FRY: variants seen among roughly 807,000 people sequenced by gnomAD.
FRY encodes the protein protein furry homolog.
A neutral mutation model predicts 348.4 loss-of-function variants in FRY; 128 were observed. That is an observed-to-expected ratio of 0.37 (90% CI 0.32 to 0.43). FRY has a LOEUF of 0.43. FRY is among the 20% of genes least tolerant of loss of function. The pLI is 1.00. For synonymous variants in FRY, 1,370 were observed against 1,374.7 expected (o/e 1.00, Z 0.08); for missense variants, 2,736 against 3,695.2 (o/e 0.74, Z 6.73).
At chr13:32,049,548 C>T (rs948918576) in intron 1 of FRY, among the ~76,000 whole-genome samples, 1 of 152,178 alleles carries the variant, frequency 6.6e-6, no homozygotes, top group African/African-American at 2.4e-5. Context: ...CATTCTCCTG[C>T]CTCAGCCTCC....
chr13:32,097,593 T>TTTCTATCA (rs1566069084), intron 2 of FRY, among the ~76,000 whole-genome samples: 1 of 151,952 alleles, frequency 6.6e-6, no homozygotes, highest in Non-Finnish European at 1.5e-5. Flanking sequence ...ATTCCCAACA[T>TTTCTATCA]CAGGTGATCT....
intron 3 of FRY, among the ~76,000 whole-genome samples, chr13:32,113,585 C>G (rs1878109790): frequency 6.6e-6 from 1 of 152,170 alleles, no homozygotes. Context: ...TTCATGCTGC[C>G]CAGTACCTAG....
At chr13:32,109,561 C>T (rs894171893) in intron 3 of FRY, among the ~76,000 whole-genome samples, 1 of 152,058 alleles carries the variant, frequency 6.6e-6, no homozygotes, top group African/African-American at 2.4e-5. Context: ...AGGGGTCTCA[C>T]AGACAAAGGA....
chr13:32,139,096 A>G (rs1351924981), intron 11 of FRY, among the ~76,000 whole-genome samples: 1 of 152,240 alleles, frequency 6.6e-6, no homozygotes, highest in Non-Finnish European at 1.5e-5. Flanking sequence ...ATTGTATTGC[A>G]TATATTTAGA....
intron 2 of FRY, among the ~76,000 whole-genome samples, chr13:32,090,320 C>A (rs537817933): frequency 7.6e-6 from 1 of 130,766 alleles, no homozygotes; most frequent in East Asian, 2.3e-4. Flanking sequence ...TGCACTCTAG[C>A]AGCCTGGGCG....
rs368326037 is a variant in FRY, at chr13:32,089,276, CTT to C, written c.270+10246_270+10247del. 4.9e-3 allele frequency among the ~76,000 whole-genome samples: 741 copies of C among 152,160 alleles called. 8 individuals are homozygous for C. Among genetic ancestry groups the C allele is most frequent in the African/African-American group, 0.017 (710 of 41,480 alleles). Reference sequence around the variant, plus strand: ...TACATACATATCTAGTATATTCTGACTTTTAAAATTTCTTAAAACACAATATT... The same window carrying C: ...TACATACATATCTAGTATATTCTGACTTAAAATTTCTTAAAACACAATATT... On this transcript the variant is annotated intron_variant, in intron 2 of 60. Coordinates refer to ENST00000542859, the MANE Select transcript of FRY (RefSeq NM_023037.3).
intron 48 of FRY, 37 bp from the exon 49 acceptor site, chr13:32,249,489 T>C (rs772615595): frequency 1.2e-5 from 19 of 1,611,488 alleles, no homozygotes; most frequent in Admixed American, 1.7e-5. Context: ...CACAAAACCA[T>C]TGAGACAGAA....
intron 11 of FRY, among the ~76,000 whole-genome samples, chr13:32,139,070 A>C (rs930315301): frequency 2.0e-5 from 3 of 152,240 alleles, no homozygotes; most frequent in African/African-American, 7.2e-5. Flanking sequence ...CCTTGATAAG[A>C]TAAAAATGAA....
Position 32,125,105 on chromosome 13 carries a change from G to C in FRY, c.716+230G>C, listed in dbSNP as rs1878940920. On this transcript the variant is annotated intron_variant, in intron 7 of 60. Transcript: ENST00000542859. Reference sequence around the variant, plus strand: ...ACCTAGAGTCCATGGGTTTCATACTGTTGCATCAAAGAAATGGGGTGACCA... The same window carrying C: ...ACCTAGAGTCCATGGGTTTCATACTCTTGCATCAAAGAAATGGGGTGACCA... 2.0e-5 allele frequency among the ~76,000 whole-genome samples: 3 copies of C among 152,338 alleles called. No homozygotes were observed. The South Asian group carries it at 6.2e-4, about 32-fold the overall frequency.
At chr13:32,235,148 T>C (rs1414274237) in intron 42 of FRY, among the ~76,000 whole-genome samples, 3 of 152,154 alleles carry the variant, frequency 2.0e-5, no homozygotes, top group Admixed American at 2.0e-4. Flanking sequence ...ACTGTATCTG[T>C]CCAAAGCACT....
chr13:32,086,739 C>G (rs1029314436), intron 2 of FRY, among the ~76,000 whole-genome samples: 4 of 151,920 alleles, frequency 2.6e-5, no homozygotes, highest in Admixed American at 2.6e-4. Flanking sequence ...TTTAAGTCTA[C>G]TTGACTTAAA....
intron 3 of FRY, among the ~76,000 whole-genome samples, chr13:32,115,709 G>A (rs1423364971): frequency 6.7e-6 from 1 of 149,296 alleles, no homozygotes; most frequent in Admixed American, 6.6e-5. Flanking sequence ...TTTTTTCTTG[G>A]GTCTCATCTC....
At chr13:32,251,808 TG>T in intron 49 of FRY, 69 bp from the exon 50 acceptor site, 1 of 935,046 alleles carries the variant, frequency 1.1e-6, no homozygotes, top group Non-Finnish European at 1.8e-6. Flanking sequence ...GTATGGCTAG[TG>T]GCTAGAAAAT....
At chr13:32,055,499 A>G (rs1873576060) in intron 1 of FRY, among the ~76,000 whole-genome samples, 1 of 152,178 alleles carries the variant, frequency 6.6e-6, no homozygotes, top group African/African-American at 2.4e-5. Context: ...AACCTTTAAA[A>G]AGACAAATTC....
intron 2 of FRY, among the ~76,000 whole-genome samples, chr13:32,097,202 A>G (rs960716665): frequency 1.3e-4 from 20 of 152,044 alleles, no homozygotes; most frequent in African/African-American, 4.4e-4. Context: ...CTGTGCTCCC[A>G]CTATGTGAAC....
intron 28 of FRY, among the ~76,000 whole-genome samples, chr13:32,187,979 T>C (rs923940744): frequency 6.6e-6 from 1 of 152,120 alleles, no homozygotes; most frequent in African/African-American, 2.4e-5. Flanking sequence ...AAAAAATACT[T>C]CCTGATAACC....
chr13:32,060,790 G>A (rs984711952), intron 1 of FRY: 8 of 259,300 alleles, frequency 3.1e-5, no homozygotes, highest in Non-Finnish European at 6.2e-5. Context: ...ATGTTCTTGT[G>A]GATAAATATA....
chr13:32,209,454 T>A, intron 32 of FRY, 131 bp from the exon 33 acceptor site: 1 of 861,838 alleles, frequency 1.2e-6, no homozygotes, highest in African/African-American at 1.7e-5. Context: ...GGCATCTTTC[T>A]GATAAATGGT....
At chr13:32,156,147 G>C (rs914585827) in intron 15 of FRY, among the ~76,000 whole-genome samples, 2 of 152,194 alleles carry the variant, frequency 1.3e-5, no homozygotes, top group African/African-American at 2.4e-5. Flanking sequence ...TATCTAAAGA[G>C]ATGTTTTTGG....
Sources: gnomAD v4.1 joint callset for allele counts (sites outside exome capture counted in the v4.1 genomes callset) on GRCh38, gnomAD v4.1.1 for gene constraint, MANE v1.5 for transcripts, NCBI Gene and HGNC (gene_info 2026-07-23, HGNC 2026-07-21) for gene names.